Variants in IFT52 observed in about 807,000 individuals in gnomAD.
IFT52 encodes the protein intraflagellar transport 52.
A neutral mutation model predicts 54.4 loss-of-function variants in IFT52; 44 were observed. The observed-to-expected ratio is 0.81, with a 90% confidence interval of 0.63 to 1.04. The LOEUF (loss-of-function observed/expected upper bound fraction) is 1.04. Among genes scored for constraint, IFT52 ranks in the 50% least tolerant of loss-of-function variants. The probability of loss-of-function intolerance (pLI) is 0.00; values close to 1 mark genes in which losing one functional copy is unlikely to be tolerated. For synonymous variants in IFT52, 181 were observed against 185.3 expected (o/e 0.98, Z 0.19); for missense variants, 452 against 523.6 (o/e 0.86, Z 1.33).
intron 7 of IFT52, 91 bp from the exon 8 acceptor site, chr20:43,618,849 T>C: frequency 1.2e-6 from 1 of 826,364 alleles, no homozygotes; most frequent in Non-Finnish European, 2.0e-6. Flanking sequence ...ATAAGACAGT[T>C]GCTAGCATGA....
rs779513125 is a variant in IFT52, at chr20:43,604,256, C to T, written c.411C>T (p.Asn137=). 2.1e-5 allele frequency: 34 copies of T among 1,603,732 alleles called. No homozygotes were observed. Among genetic ancestry groups the T allele is most frequent in the East Asian group, 2.2e-5 (1 of 44,836 alleles). ...KEALVSSGVL[N]REISRAAGKA... is the part of the protein sequence containing the mutation. ...CTCTAGTTTCCAGTGGAGTCTTGAA[C>T]AGGTAAGCATGTTGAAAGCAGAAAT... Residue 137 remains asparagine (N), a splice_region_variant and synonymous_variant, in exon 5 of 14, where the codon AAC becomes AAT. Transcript: ENST00000373030.
At chr20:43,607,876 A>G (rs1983081075) in intron 6 of IFT52, among the ~76,000 whole-genome samples, 1 of 152,216 alleles carries the variant, frequency 6.6e-6, no homozygotes, top group African/African-American at 2.4e-5. Flanking sequence ...TGAGTGAACA[A>G]GACTCCGTCT....
intron 2 of IFT52, 106 bp downstream of exon 2, chr20:43,594,923 A>C (rs1981815395): frequency 8.4e-6 from 6 of 715,192 alleles, no homozygotes; most frequent in Non-Finnish European, 1.5e-5. Flanking sequence ...AGGTGGGAGA[A>C]GCTCAATTTA....
rs113960630 is a variant in IFT52, at chr20:43,594,425, A to G, written c.-6-268A>G. ...CAAGAGCAGGGTGATGGCAGGGCAG[A>G]GCCATAGGTGTAGGCTGTTGGGAGG... On this transcript the variant is annotated intron_variant, in intron 1 of 13. Coordinates refer to ENST00000373030, the MANE Select transcript of IFT52 (RefSeq NM_016004.5). Among the ~76,000 whole-genome samples the G allele has an allele frequency of 7.7e-4, 118 of 152,304 alleles. 1 individual carries two copies. Among genetic ancestry groups the G allele is most frequent in the African/African-American group, 2.6e-3 (109 of 41,566 alleles).
chr20:43,593,944 C>T (rs929377663), intron 1 of IFT52, among the ~76,000 whole-genome samples: 3 of 152,032 alleles, frequency 2.0e-5, no homozygotes, highest in African/African-American at 7.2e-5. Flanking sequence ...TTAGGTGAAA[C>T]AGGTGTTTCA....
intron 11 of IFT52, among the ~76,000 whole-genome samples, chr20:43,636,717 T>G (rs985373587): frequency 2.6e-5 from 4 of 152,220 alleles, no homozygotes; most frequent in Non-Finnish European, 5.9e-5. Flanking sequence ...TAAAAACTTA[T>G]GATTAAATGA....
Position 43,645,267 on chromosome 20 carries a change from C to T in IFT52, c.1267-1669C>T, listed in dbSNP as rs1350735768. ...AAAAAATAACATAAAGATATTTATC[C>T]TTGGGGCCCAGTGCGGTGGCTCACG... is the stretch of plus-strand genomic sequence containing the variant. On this transcript the variant is annotated intron_variant, in intron 13 of 13. Transcript: ENST00000373030. 6.9e-5 allele frequency among the ~76,000 whole-genome samples: 4 copies of T among 58,202 alleles called. 2 individuals carry two copies. Among genetic ancestry groups the T allele is most frequent in the Non-Finnish European group, 1.6e-4 (4 of 24,260 alleles). The allele number at this position is 58,202 out of a possible 152,430, so 38.2% of individuals were successfully genotyped here.
chr20:43,605,478 C>T (rs1416415317), intron 6 of IFT52, among the ~76,000 whole-genome samples: 2 of 152,152 alleles, frequency 1.3e-5, no homozygotes, highest in Non-Finnish European at 2.9e-5. Flanking sequence ...ACCCCGGAGG[C>T]GGAAGTTGCA....
intron 10 of IFT52, among the ~76,000 whole-genome samples, chr20:43,627,921 AG>A (rs57371331): frequency 7.9e-5 from 1 of 12,734 alleles, no homozygotes; most frequent in Non-Finnish European, 1.6e-4. Context: ...AGAGAGAGAG[AG>A]TTTTTTTTTT....
chr20:43,617,824 C>T (rs1178337455), intron 7 of IFT52, among the ~76,000 whole-genome samples: 1 of 152,094 alleles, frequency 6.6e-6, no homozygotes, highest in Non-Finnish European at 1.5e-5. Context: ...CTCGCTGCAA[C>T]CTCGCCTCCC....
At chr20:43,636,036 T>A in intron 11 of IFT52, 23 bp downstream of exon 11, 1 of 1,608,840 alleles carries the variant, frequency 6.2e-7, no homozygotes, top group Non-Finnish European at 8.5e-7. Context: ...GCTTGGGAGA[T>A]CCCACTGCAG....
At chr20:43,609,524 C>A (rs1983246811) in intron 6 of IFT52, among the ~76,000 whole-genome samples, 1 of 152,038 alleles carries the variant, frequency 6.6e-6, no homozygotes, top group African/African-American at 2.4e-5. Flanking sequence ...GTAATCCCAA[C>A]ACTTTGGGAG....
At chr20:43,624,114 T>TG in intron 10 of IFT52, 69 bp downstream of exon 10, 1 of 1,507,340 alleles carries the variant, frequency 6.6e-7, no homozygotes, top group Non-Finnish European at 9.1e-7. Flanking sequence ...AACATGAACC[T>TG]GGGAACGGGA....
rs11469500 is a variant in IFT52 at position 43,611,441 on chromosome 20, CTTTTTTTTTT to C, written c.486-2391_486-2382del. Among the ~76,000 whole-genome samples the C allele has an allele frequency of 2.4e-4, 13 of 55,098 alleles. No homozygotes were observed. In the East Asian group the frequency reaches 4.5e-3, roughly 19 times the overall value. The allele number at this position is 55,098 out of a possible 152,430, so 36.1% of individuals were successfully genotyped here. ...TACTTAGTCTTATCAAAATGTCAGTCTTTTTTTTTTTTTTTTTTTTTTTTTTTGGAGACAG... is the reference window on the plus strand; with the variant it reads ...TACTTAGTCTTATCAAAATGTCAGTCTTTTTTTTTTTTTTTTTGGAGACAG... On this transcript the variant is annotated intron_variant, in intron 6 of 13. Transcript: ENST00000373030.
intron 10 of IFT52, among the ~76,000 whole-genome samples, chr20:43,635,170 A>T (rs6031004): frequency 6.7e-6 from 1 of 148,578 alleles, no homozygotes; most frequent in Non-Finnish European, 1.5e-5. Flanking sequence ...TCTGTCTCCA[A>T]AAAAAAGAGA....
chr20:43,596,975 T>C (rs1272680306), intron 3 of IFT52, among the ~76,000 whole-genome samples: 1 of 151,608 alleles, frequency 6.6e-6, no homozygotes, highest in East Asian at 2.0e-4. Context: ...ACTCCTGACC[T>C]TGTGATCTGC....
chr20:43,602,791 G>T (rs1423962918), intron 3 of IFT52, among the ~76,000 whole-genome samples: 2 of 152,142 alleles, frequency 1.3e-5, no homozygotes, highest in Non-Finnish European at 2.9e-5. Context: ...GTTTTATACA[G>T]TGTGGGGAAG....
At chr20:43,601,537 A>G (rs1982440296) in intron 3 of IFT52, among the ~76,000 whole-genome samples, 2 of 152,316 alleles carry the variant, frequency 1.3e-5, no homozygotes, top group Admixed American at 6.5e-5. Flanking sequence ...CACATCCTTC[A>G]TGTATCTTTT....
chr20:43,617,012 CT>C (rs2145627406), intron 7 of IFT52, among the ~76,000 whole-genome samples: 1 of 152,144 alleles, frequency 6.6e-6, no homozygotes, highest in East Asian at 1.9e-4. Context: ...GACCCTATCT[CT>C]AAAAATGGGA....
Sources: allele counts gnomAD v4.1 joint callset (sites outside exome capture counted in the v4.1 genomes callset), GRCh38; gene constraint gnomAD v4.1.1; transcripts MANE v1.5; gene names NCBI Gene and HGNC (gene_info 2026-07-23, HGNC 2026-07-21).